RAB11FIP4: variants seen among roughly 807,000 people sequenced by gnomAD.
RAB11FIP4 encodes the protein RAB11 family interacting protein 4.
Under a neutral mutation model 74.3 loss-of-function variants are expected in RAB11FIP4, and 23 were observed. The ratio of observed to expected loss-of-function variants is 0.31; its 90% confidence interval spans 0.22 to 0.44. The LOEUF is 0.44. Ranked by LOEUF, RAB11FIP4 falls within the 20% of genes least tolerant of loss-of-function variation. The pLI, the probability that RAB11FIP4 is intolerant of heterozygous loss-of-function variation, is 1.00. For synonymous variants in RAB11FIP4, 360 were observed against 359.9 expected, an observed-to-expected ratio of 1.00 and a Z score of 0.00; for missense variants, 630 against 863.9, an observed-to-expected ratio of 0.73 and a Z score of 3.39.
chr17:31,476,050 A>C (rs1244659038), intron 3 of RAB11FIP4, among the ~76,000 whole-genome samples: 1 of 151,980 alleles, frequency 6.6e-6, no homozygotes, highest in African/African-American at 2.4e-5. Flanking sequence ...AAATGTTGTG[A>C]TCAGAGGCTC....
Position 31,479,166 on chromosome 17 carries a change from C to T in RAB11FIP4, c.337-38485C>T, listed in dbSNP as rs575348677. The stretch of plus-strand genomic sequence containing the variant: ...AAATTAAGAAATGAAGTGGCTGGCA[C>T]ATAGTACATAGCTGTTATCAACAAT... On this transcript the variant is annotated intron_variant, in intron 3 of 14. Transcript: ENST00000621161. Among the ~76,000 whole-genome samples, 30 of 152,202 alleles carry T rather than the reference C, an allele frequency of 2.0e-4. 1 individual carries two copies. Among genetic ancestry groups the T allele is most frequent in the Non-Finnish European group, 4.4e-4 (30 of 68,036 alleles).
At chr17:31,516,126 G>C (rs190756831) in intron 3 of RAB11FIP4, among the ~76,000 whole-genome samples, 2 of 152,278 alleles carry the variant, frequency 1.3e-5, no homozygotes, top group South Asian at 2.1e-4. Context: ...CAGTGATCCT[G>C]TAAGATTCCA....
intron 1 of RAB11FIP4, among the ~76,000 whole-genome samples, chr17:31,419,901 A>G (rs952056470): frequency 6.6e-6 from 1 of 152,120 alleles, no homozygotes; most frequent in African/African-American, 2.4e-5. Flanking sequence ...ACAGGGTATT[A>G]TTGCTGGCCC....
chr17:31,410,422 G>A (rs934686690), intron 1 of RAB11FIP4, among the ~76,000 whole-genome samples: 5 of 152,176 alleles, frequency 3.3e-5, no homozygotes, highest in South Asian at 2.1e-4. Context: ...GTAGAAAATA[G>A]TGCAAGTTGG....
At chr17:31,478,595 C>T (rs1199411006) in intron 3 of RAB11FIP4, among the ~76,000 whole-genome samples, 1 of 152,166 alleles carries the variant, frequency 6.6e-6, no homozygotes, top group African/African-American at 2.4e-5. Flanking sequence ...CCACAAAACA[C>T]GTCTTTGAAG....
intron 4 of RAB11FIP4, among the ~76,000 whole-genome samples, chr17:31,520,301 G>A (rs769154749): frequency 6.6e-6 from 1 of 151,986 alleles, no homozygotes; most frequent in Non-Finnish European, 1.5e-5. Context: ...GGGGGTCCTG[G>A]AACAAATCTC....
intron 3 of RAB11FIP4, chr17:31,448,392 A>ATTGTTTTTTTTTT (rs2071489840): frequency 1.3e-5 from 1 of 79,832 alleles, no homozygotes; most frequent in Non-Finnish European, 2.2e-5. Context: ...CATCCAGCTA[A>ATTGTTTTTTTTTT]TTTTTTTTTT....
At chr17:31,400,674 G>A (rs938538761) in intron 1 of RAB11FIP4, among the ~76,000 whole-genome samples, 6 of 152,238 alleles carry the variant, frequency 3.9e-5, no homozygotes, top group African/African-American at 1.2e-4. Flanking sequence ...AAATGGAGCC[G>A]ATTGGCAGTG....
intron 3 of RAB11FIP4, among the ~76,000 whole-genome samples, chr17:31,444,703 C>T (rs1224917371): frequency 6.6e-6 from 1 of 152,184 alleles, no homozygotes; most frequent in Non-Finnish European, 1.5e-5. Flanking sequence ...CTTGACAAAA[C>T]CTTGGAGAGG....
intron 3 of RAB11FIP4, among the ~76,000 whole-genome samples, chr17:31,498,088 G>A (rs763461276): frequency 2.0e-5 from 3 of 152,216 alleles, no homozygotes; most frequent in South Asian, 2.1e-4. Flanking sequence ...GGGGCTTTGC[G>A]AGCTGCTCTC....
chr17:31,395,170 A>G (rs946775080), intron 1 of RAB11FIP4, among the ~76,000 whole-genome samples: 4 of 152,134 alleles, frequency 2.6e-5, no homozygotes, highest in Non-Finnish European at 5.9e-5. Context: ...ACCAAAATAT[A>G]CTAGGTCATA....
rs114260178 is a variant in RAB11FIP4, at chr17:31,489,906, G to A, written c.337-27745G>A. Among the ~76,000 whole-genome samples the A allele has an allele frequency of 4.5e-3, 684 of 152,280 alleles. 4 individuals are homozygous for A. The highest frequency in any genetic ancestry group is 0.015 in the African/African-American group (640 of 41,530). ...CCAGTAGAAGAGATAAGACTGGGCC[G>A]GAGGCGAGGGGCGGGACTAGCCAGG... On this transcript the variant is annotated intron_variant, in intron 3 of 14. Coordinates refer to ENST00000621161, the MANE Select transcript of RAB11FIP4 (RefSeq NM_032932.6).
chr17:31,419,204 G>A (rs2071175934), intron 1 of RAB11FIP4, among the ~76,000 whole-genome samples: 2 of 151,926 alleles, frequency 1.3e-5, no homozygotes, highest in Non-Finnish European at 2.9e-5. Context: ...GTGTGGGTGT[G>A]TGTGAATGTA....
intron 1 of RAB11FIP4, among the ~76,000 whole-genome samples, chr17:31,397,085 T>C (rs1158147244): frequency 6.6e-6 from 1 of 152,124 alleles, no homozygotes; most frequent in Non-Finnish European, 1.5e-5. Context: ...TCTTTTGAGA[T>C]ACGTGGCTTC....
At chr17:31,505,476 TTATAA>T (rs1330384328) in intron 3 of RAB11FIP4, among the ~76,000 whole-genome samples, 17 of 65,978 alleles carry the variant, frequency 2.6e-4, no homozygotes, top group East Asian at 1.3e-3. Context: ...ATAATAATAA[TTATAA>T]TATATAATAT....
At chr17:31,483,250 T>C (rs982559352) in intron 3 of RAB11FIP4, among the ~76,000 whole-genome samples, 13 of 149,062 alleles carry the variant, frequency 8.7e-5, no homozygotes, top group Admixed American at 8.0e-4. Flanking sequence ...TGTGTGTGCG[T>C]TGACAGAATC....
At chr17:31,392,054 CAGCCCCG>C in intron 1 of RAB11FIP4, 43 bp downstream of exon 1, 5 of 1,207,034 alleles carry the variant, frequency 4.1e-6, no homozygotes, top group Non-Finnish European at 3.1e-6. Flanking sequence ...GACCCCAGCC[CAGCCCCG>C]CCGCCCCTCC....
chr17:31,427,840 G>A (rs1339281510), intron 1 of RAB11FIP4, among the ~76,000 whole-genome samples: 5 of 152,298 alleles, frequency 3.3e-5, no homozygotes, highest in South Asian at 4.1e-4. Flanking sequence ...CAGCCCTGCA[G>A]GTGGCACCTG....
intron 3 of RAB11FIP4, among the ~76,000 whole-genome samples, chr17:31,475,519 G>A (rs2071782790): frequency 1.3e-5 from 2 of 152,196 alleles, no homozygotes; most frequent in Admixed American, 1.3e-4. Flanking sequence ...CAAAACCCCT[G>A]TGACACAGAT....
Sources: allele counts gnomAD v4.1 joint callset (sites outside exome capture counted in the v4.1 genomes callset), GRCh38; gene constraint gnomAD v4.1.1; transcripts MANE v1.5; gene names NCBI Gene and HGNC (gene_info 2026-07-23, HGNC 2026-07-21).